The following CYRIB variants were observed in gnomAD, a reference collection of about 807,000 sequenced individuals.
The protein encoded by CYRIB is CYFIP related Rac1 interactor B.
In CYRIB, 8 loss-of-function variants were observed where a neutral mutation model predicts 44.2. The ratio of observed to expected loss-of-function variants is 0.18; its 90% CI spans 0.11 to 0.33. CYRIB has a LOEUF of 0.33. Ranked by LOEUF, CYRIB falls within the 10% of genes least tolerant of loss-of-function variation. The pLI is 1.00. For missense variants in CYRIB, 185 were observed against 382.8 expected (o/e 0.48, Z 4.31); for synonymous variants, 131 against 127.2 (o/e 1.03, Z -0.20).
intron 1 of CYRIB, among the ~76,000 whole-genome samples, chr8:129,993,038 G>A (rs1020021274): frequency 6.6e-6 from 1 of 152,284 alleles, no homozygotes; most frequent in East Asian, 1.9e-4. Flanking sequence ...CAAGGCTGGG[G>A]TCAGCAGGGT....
intron 2 of CYRIB, among the ~76,000 whole-genome samples, chr8:129,955,912 T>G (rs565914979): frequency 7.2e-5 from 11 of 152,214 alleles, no homozygotes; most frequent in Non-Finnish European, 1.6e-4. Context: ...AAAAGGATGG[T>G]TGCATCCATC....
intron 1 of CYRIB, among the ~76,000 whole-genome samples, chr8:130,012,684 T>A (rs1274843954): frequency 6.6e-6 from 1 of 152,068 alleles, no homozygotes; most frequent in African/African-American, 2.4e-5. Flanking sequence ...GGCACAGAGC[T>A]AGTGAGTGGC....
chr8:129,875,979 T>C (rs1033173787), intron 3 of CYRIB, among the ~76,000 whole-genome samples: 4 of 152,100 alleles, frequency 2.6e-5, no homozygotes, highest in Non-Finnish European at 5.9e-5. Context: ...CTGGGTGTGG[T>C]GCTGCATGCC....
chr8:130,002,112 A>G (rs2096921411), intron 1 of CYRIB, among the ~76,000 whole-genome samples: 1 of 152,186 alleles, frequency 6.6e-6, no homozygotes, highest in South Asian at 2.1e-4. Context: ...AGAGTCATCT[A>G]AACTTTGGTT....
chr8:129,910,719 G>A (rs1044432847), intron 1 of CYRIB, among the ~76,000 whole-genome samples: 2 of 152,170 alleles, frequency 1.3e-5, no homozygotes, highest in African/African-American at 2.4e-5. Flanking sequence ...GATGGCTTAA[G>A]CGCAAGAGTT....
intron 2 of CYRIB, among the ~76,000 whole-genome samples, chr8:129,895,287 G>A (rs1474816319): frequency 3.3e-5 from 5 of 151,566 alleles, no homozygotes; most frequent in Admixed American, 6.6e-5. Context: ...TTACAGGCAT[G>A]AGCCATCATA....
chr8:129,869,123 C>T (rs1268046625), intron 4 of CYRIB, among the ~76,000 whole-genome samples: 1 of 150,188 alleles, frequency 6.7e-6, no homozygotes, highest in African/African-American at 2.4e-5. Flanking sequence ...CGGTGGTTCA[C>T]GCCTGTAATC....
chr8:129,859,810 A>C (rs771083299), intron 5 of CYRIB, among the ~76,000 whole-genome samples: 2 of 152,208 alleles, frequency 1.3e-5, no homozygotes, highest in East Asian at 3.8e-4. Context: ...CATATCTAAG[A>C]TCTATATCTG....
At chr8:129,886,588 G>A (rs762633471) in intron 2 of CYRIB, among the ~76,000 whole-genome samples, 3 of 151,716 alleles carry the variant, frequency 2.0e-5, no homozygotes, top group African/African-American at 4.9e-5. Flanking sequence ...CTCTCCTTTC[G>A]TTCTCTATTA....
intron 1 of CYRIB, among the ~76,000 whole-genome samples, chr8:129,919,747 T>G (rs1353201834): frequency 6.6e-6 from 1 of 152,144 alleles, no homozygotes; most frequent in Non-Finnish European, 1.5e-5. Context: ...TACACTAAAC[T>G]GGAAAAGGAA....
At chr8:129,913,667 AG>A (rs2079222030) in intron 1 of CYRIB, among the ~76,000 whole-genome samples, 1 of 152,254 alleles carries the variant, frequency 6.6e-6, no homozygotes, top group South Asian at 2.1e-4. Context: ...GAGTAGCACT[AG>A]TATAAATAAA....
intron 1 of CYRIB, among the ~76,000 whole-genome samples, chr8:129,998,746 C>G (rs1307355766): frequency 6.6e-6 from 1 of 152,022 alleles, no homozygotes; most frequent in Non-Finnish European, 1.5e-5. Flanking sequence ...ATTCTCGTGC[C>G]TCAGCCTCCC....
intron 2 of CYRIB, among the ~76,000 whole-genome samples, chr8:129,968,530 T>A (rs1348461571): frequency 6.6e-6 from 1 of 152,210 alleles, no homozygotes; most frequent in African/African-American, 2.4e-5. Context: ...ATATAGTTTT[T>A]CATTGTGAAC....
At chr8:129,887,352 C>G (rs756144979) in intron 2 of CYRIB, among the ~76,000 whole-genome samples, 6 of 152,174 alleles carry the variant, frequency 3.9e-5, no homozygotes, top group Non-Finnish European at 7.3e-5. Flanking sequence ...ATTGTTGAGG[C>G]TTGGGAGTCT....
chr8:129,996,381 C>G (rs749986745), intron 1 of CYRIB, among the ~76,000 whole-genome samples: 3 of 152,112 alleles, frequency 2.0e-5, no homozygotes, highest in Non-Finnish European at 4.4e-5. Flanking sequence ...GTGAAAGGGA[C>G]TCATCCACCC....
At chr8:129,965,329 G>T (rs936051237) in intron 2 of CYRIB, among the ~76,000 whole-genome samples, 13 of 152,016 alleles carry the variant, frequency 8.6e-5, no homozygotes, top group Non-Finnish European at 1.6e-4. Context: ...GTGTGTGGGT[G>T]GGTGTGTATA....
chr8:129,998,035 C>T (rs1239611603), intron 1 of CYRIB, among the ~76,000 whole-genome samples: 1 of 149,732 alleles, frequency 6.7e-6, no homozygotes, highest in Non-Finnish European at 1.5e-5. Flanking sequence ...GCAAGAGAAT[C>T]GTCTGAACTC....
chr8:129,916,656 T>A (rs2080931161), intron 1 of CYRIB, among the ~76,000 whole-genome samples: 1 of 152,192 alleles, frequency 6.6e-6, no homozygotes, highest in South Asian at 2.1e-4. Flanking sequence ...ATTCCTGCTT[T>A]CAACAGGCTT....
intron 4 of CYRIB, among the ~76,000 whole-genome samples, chr8:129,865,765 T>C (rs368498282): frequency 2.0e-5 from 3 of 152,344 alleles, no homozygotes; most frequent in African/African-American, 7.2e-5. Context: ...ATTGTGAAAC[T>C]GAATGTTATA....
Sources: allele counts gnomAD v4.1 joint callset (sites outside exome capture counted in the v4.1 genomes callset), GRCh38; gene constraint gnomAD v4.1.1; transcripts MANE v1.5; gene names NCBI Gene and HGNC (gene_info 2026-07-23, HGNC 2026-07-21).